TMEM117: variants seen among roughly 807,000 people sequenced by gnomAD.
The protein encoded by TMEM117 is transmembrane protein 117.
Under a neutral mutation model 52.4 loss-of-function variants are expected in TMEM117, and 27 were observed. The observed-to-expected ratio is 0.51, with a 90% CI of 0.38 to 0.71. TMEM117 has a LOEUF of 0.71. Among genes scored for constraint, TMEM117 ranks in the 30% least tolerant of loss-of-function variants. The probability of loss-of-function intolerance (pLI) is 0.00; values close to 1 mark genes in which losing one functional copy is unlikely to be tolerated. For synonymous variants in TMEM117, 215 were observed against 206.3 expected, an observed-to-expected ratio of 1.04 and a Z score of -0.36; for missense variants, 556 against 630.5, an observed-to-expected ratio of 0.88 and a Z score of 1.26.
intron 5 of TMEM117, among the ~76,000 whole-genome samples, chr12:44,254,902 T>C (rs971684057): frequency 1.3e-5 from 2 of 151,574 alleles, no homozygotes. Context: ...AGTGAGAACA[T>C]GCGGTGTTTG....
intron 3 of TMEM117, among the ~76,000 whole-genome samples, chr12:44,132,533 T>C (rs903593211): frequency 6.6e-6 from 1 of 152,160 alleles, no homozygotes; most frequent in South Asian, 2.1e-4. Context: ...TTCTCATCCC[T>C]GAGCATTATT....
chr12:44,152,868 A>C (rs894405368), intron 4 of TMEM117, among the ~76,000 whole-genome samples: 1 of 146,228 alleles, frequency 6.8e-6, no homozygotes, highest in Non-Finnish European at 1.5e-5. Context: ...CATTATATTT[A>C]TGGAACCATT....
chr12:44,134,679 A>G (rs941292231), intron 3 of TMEM117, among the ~76,000 whole-genome samples: 41 of 152,156 alleles, frequency 2.7e-4, no homozygotes, highest in African/African-American at 8.9e-4. Context: ...CTTTTTTTGT[A>G]TAGCCAATTT....
intron 5 of TMEM117, among the ~76,000 whole-genome samples, chr12:44,250,937 T>A (rs981311929): frequency 6.6e-6 from 1 of 152,148 alleles, no homozygotes; most frequent in Admixed American, 6.6e-5. Flanking sequence ...CAAACCACCA[T>A]GGCACATGTA....
chr12:43,987,547 G>A (rs979780272), intron 3 of TMEM117, among the ~76,000 whole-genome samples: 9 of 148,424 alleles, frequency 6.1e-5, no homozygotes, highest in Admixed American at 2.7e-4. Context: ...GAAGCTTTTA[G>A]TTAGTTTTTT....
At chr12:44,028,792 T>G (rs1035816275) in intron 3 of TMEM117, among the ~76,000 whole-genome samples, 28 of 152,352 alleles carry the variant, frequency 1.8e-4, no homozygotes, top group Admixed American at 1.6e-3. Flanking sequence ...TAAACTTGCC[T>G]TCACTTCGCA....
At chr12:44,017,328 T>C (rs935112272) in intron 3 of TMEM117, among the ~76,000 whole-genome samples, 2 of 100,308 alleles carry the variant, frequency 2.0e-5, no homozygotes, top group African/African-American at 5.5e-5. Context: ...TTTCTTTCCT[T>C]TTTTTTTTTT....
chr12:44,182,229 G>C (rs541777328), intron 4 of TMEM117, among the ~76,000 whole-genome samples: 1 of 152,260 alleles, frequency 6.6e-6, no homozygotes, highest in South Asian at 2.1e-4. Context: ...TGCTGAAGTT[G>C]ATTATCAGCT....
chr12:43,977,420 G>T (rs1945689904), intron 3 of TMEM117, among the ~76,000 whole-genome samples: 1 of 152,120 alleles, frequency 6.6e-6, no homozygotes, highest in South Asian at 2.1e-4. Context: ...AGGACCTGAG[G>T]GGGTATGAAC....
intron 5 of TMEM117, among the ~76,000 whole-genome samples, chr12:44,279,486 C>G (rs958848702): frequency 6.6e-5 from 10 of 151,516 alleles, no homozygotes; most frequent in African/African-American, 2.2e-4. Context: ...ATATTTACAT[C>G]CAAGTTTGCA....
At chr12:44,256,628 T>A (rs1844648936) in intron 5 of TMEM117, among the ~76,000 whole-genome samples, 2 of 152,120 alleles carry the variant, frequency 1.3e-5, no homozygotes. Flanking sequence ...AGTAATATAA[T>A]GCAATAGGAA....
intron 3 of TMEM117, among the ~76,000 whole-genome samples, chr12:43,967,818 A>G (rs1643053192): frequency 2.0e-5 from 3 of 152,240 alleles, no homozygotes; most frequent in Non-Finnish European, 4.4e-5. Context: ...CTAGCAGTGG[A>G]TAACTAATGC....
intron 3 of TMEM117, among the ~76,000 whole-genome samples, chr12:44,039,363 A>G (rs1946762029): frequency 6.7e-6 from 1 of 149,854 alleles, no homozygotes; most frequent in South Asian, 2.1e-4. Context: ...AATACTATAT[A>G]TTATTGTATC....
downstream of TMEM117, among the ~76,000 whole-genome samples, chr12:44,391,358 T>C (rs532735496): frequency 6.6e-6 from 1 of 152,312 alleles, no homozygotes; most frequent in South Asian, 2.1e-4. Context: ...TAGCTACTTA[T>C]GTTACCTTAT....
At chr12:44,195,216 G>A (rs1328669025) in intron 4 of TMEM117, among the ~76,000 whole-genome samples, 1 of 152,098 alleles carries the variant, frequency 6.6e-6, no homozygotes, top group Non-Finnish European at 1.5e-5. Context: ...TCAGCTTGTT[G>A]GCAGAATTCA....
chr12:43,815,852 A>G, the TMEM117 span, among the ~76,000 whole-genome samples: 1 of 152,240 alleles, frequency 6.6e-6, no homozygotes, highest in Non-Finnish European at 1.5e-5. Flanking sequence ...CTGGCTCTGC[A>G]CAAGGGCAGG....
At chr12:44,287,665 C>A (rs1169416212) in intron 5 of TMEM117, among the ~76,000 whole-genome samples, 2 of 152,188 alleles carry the variant, frequency 1.3e-5, no homozygotes, top group African/African-American at 2.4e-5. Flanking sequence ...TAGCTACAAA[C>A]ATAATAACAG....
chr12:43,937,154 AT>A (rs760199005), intron 2 of TMEM117, among the ~76,000 whole-genome samples: 5 of 152,202 alleles, frequency 3.3e-5, no homozygotes, highest in Non-Finnish European at 7.3e-5. Flanking sequence ...AAGTAGATGA[AT>A]GTGAGCAGGT....
intron 3 of TMEM117, among the ~76,000 whole-genome samples, chr12:44,116,269 G>A (rs180719023): frequency 2.6e-5 from 4 of 152,188 alleles, no homozygotes; most frequent in Admixed American, 2.0e-4. Flanking sequence ...TTTCTCTGAA[G>A]CTGCCTTCTC....
Sources: allele counts gnomAD v4.1 joint callset (sites outside exome capture counted in the v4.1 genomes callset), GRCh38; gene constraint gnomAD v4.1.1; transcripts MANE v1.5; gene names NCBI Gene and HGNC (gene_info 2026-07-23, HGNC 2026-07-21).